Variants in CLVS1 observed in about 807,000 individuals in gnomAD.
The protein encoded by CLVS1 is clavesin-1.
CLVS1 carries 10 observed loss-of-function variants against 33.1 expected under a neutral mutation model. That is an observed-to-expected ratio of 0.30 (90% confidence interval 0.19 to 0.51). The LOEUF (loss-of-function observed/expected upper bound fraction) is 0.51, where lower values mean the gene tolerates loss of function less well. CLVS1 is among the 20% of genes least tolerant of loss of function. The pLI is 0.97. For synonymous variants in CLVS1, 163 were observed against 166.1 expected, an observed-to-expected ratio of 0.98 and a Z score of 0.14; for missense variants, 343 against 433.4, an observed-to-expected ratio of 0.79 and a Z score of 1.85.
chr8:61,238,617 C>T (rs1808621216), intron 2 of CLVS1, among the ~76,000 whole-genome samples: 1 of 152,214 alleles, frequency 6.6e-6, no homozygotes, highest in South Asian at 2.1e-4. Flanking sequence ...CCCACCCACA[C>T]TTGCAAGCTC....
intron 2 of CLVS1, among the ~76,000 whole-genome samples, chr8:61,369,972 A>G (rs1165750250): frequency 1.3e-5 from 2 of 152,204 alleles, no homozygotes; most frequent in Admixed American, 6.5e-5. Context: ...TAGTTATTTT[A>G]GGAAGTAATT....
chr8:61,187,849 A>G (rs1278704441), intron 2 of CLVS1, among the ~76,000 whole-genome samples: 1 of 149,596 alleles, frequency 6.7e-6, no homozygotes, highest in Non-Finnish European at 1.5e-5. Flanking sequence ...ATGTACACAC[A>G]TATATGTAAT....
intron 5 of CLVS1, among the ~76,000 whole-genome samples, chr8:61,475,294 A>G (rs376334133): frequency 4.6e-5 from 7 of 151,902 alleles, no homozygotes; most frequent in Non-Finnish European, 4.4e-5. Flanking sequence ...TGATTTATAT[A>G]CTTTGGGTAT....
intron 5 of CLVS1, among the ~76,000 whole-genome samples, chr8:61,461,346 T>C (rs1000229290): frequency 6.6e-6 from 1 of 152,220 alleles, no homozygotes; most frequent in Admixed American, 6.5e-5. Context: ...ATAAATTTGA[T>C]GTTTGTTCTT....
intron 2 of CLVS1, among the ~76,000 whole-genome samples, chr8:61,207,984 A>T (rs1807891452): frequency 1.3e-5 from 2 of 152,208 alleles, no homozygotes; most frequent in South Asian, 4.1e-4. Context: ...TGATTATTGC[A>T]GGTAGATAAA....
intron 1 of CLVS1, among the ~76,000 whole-genome samples, chr8:61,083,356 A>G (rs1057136736): frequency 1.3e-5 from 2 of 152,186 alleles, no homozygotes; most frequent in Admixed American, 1.3e-4. Flanking sequence ...CCAGGGACCT[A>G]GCAGCCAGTG....
intron 3 of CLVS1, among the ~76,000 whole-genome samples, chr8:61,411,399 T>A (rs1815217812): frequency 6.6e-6 from 1 of 152,022 alleles, no homozygotes; most frequent in Non-Finnish European, 1.5e-5. Flanking sequence ...TTTCCTCCCC[T>A]TTCTGAGCAG....
intron 5 of CLVS1, among the ~76,000 whole-genome samples, chr8:61,466,509 A>G (rs1271791511): frequency 1.3e-5 from 2 of 152,206 alleles, no homozygotes; most frequent in Admixed American, 6.5e-5. Context: ...AATTTCTGCC[A>G]GGAAATTTCT....
chr8:60,981,105 G>C, the CLVS1 span, among the ~76,000 whole-genome samples: 1 of 152,192 alleles, frequency 6.6e-6, no homozygotes, highest in Non-Finnish European at 1.5e-5. Flanking sequence ...TTGAATTTAA[G>C]AGAATATATT....
At chr8:61,279,317 T>A (rs1809623249) in intron 2 of CLVS1, among the ~76,000 whole-genome samples, 1 of 152,084 alleles carries the variant, frequency 6.6e-6, no homozygotes. Context: ...TTTTCTCATC[T>A]CTCCCAAGTC....
At chr8:60,985,019 C>A in the CLVS1 span, among the ~76,000 whole-genome samples, 3 of 152,176 alleles carry the variant, frequency 2.0e-5, no homozygotes, top group Non-Finnish European at 4.4e-5. Context: ...CATTTGCACC[C>A]TTTGCCCAAG....
chr8:61,044,428 A>T, the CLVS1 span, among the ~76,000 whole-genome samples: 1 of 152,094 alleles, frequency 6.6e-6, no homozygotes, highest in Non-Finnish European at 1.5e-5. Context: ...CCCAGCAACA[A>T]TCTGTTGTAA....
At chr8:61,289,967 G>A in intron 1 of CLVS1, among the ~76,000 whole-genome samples, 1 of 152,084 alleles carries the variant, frequency 6.6e-6, no homozygotes, top group South Asian at 2.1e-4. Context: ...AGAAAATTTG[G>A]TCATCCACAT....
rs1459200973 is a variant in CLVS1 at position 61,458,323 on chromosome 8, A to C, written c.758A>C (p.Asn253Thr). Residue 253 changes from asparagine (N) to threonine (T), a missense_variant, in exon 5 of 6, where the codon AAC becomes ACC. Physicochemically the swap from Asn to Thr is moderately conservative, Grantham distance 65. Around this residue, in one of 4 missense-constraint regions of CLVS1, gnomAD observed 166 missense variants for 244.0 expected, o/e 0.68. Coordinates refer to ENST00000325897, the MANE Select transcript of CLVS1 (RefSeq NM_173519.3). ...TCTTTACAGATTTTCCTGCATGGAA[A>C]CAATTTAAACAGCCTTCACCAGCTA... ...KTRKRIFLHG[N>T]NLNSLHQLIH... The C allele has an allele frequency of 6.8e-6, 11 of 1,611,228 alleles. No individual in the cohort carries two copies. Among genetic ancestry groups the C allele is most frequent in the African/African-American group, 2.7e-5 (2 of 74,758 alleles).
the CLVS1 span, among the ~76,000 whole-genome samples, chr8:60,999,381 G>A: frequency 6.6e-6 from 1 of 152,188 alleles, no homozygotes; most frequent in Non-Finnish European, 1.5e-5. Context: ...ATGAGGAAGT[G>A]AAACAGTGGG....
intron 2 of CLVS1, among the ~76,000 whole-genome samples, chr8:61,337,985 TTC>T (rs1811866000): frequency 6.6e-6 from 1 of 152,226 alleles, no homozygotes; most frequent in African/African-American, 2.4e-5. Context: ...ATCTCCTCAC[TTC>T]CACATGATCT....
At chr8:61,436,974 G>A (rs914167121) in intron 3 of CLVS1, among the ~76,000 whole-genome samples, 1 of 152,230 alleles carries the variant, frequency 6.6e-6, no homozygotes, top group Non-Finnish European at 1.5e-5. Context: ...AAGGGGAAGG[G>A]AAGTAGGGAA....
intron 2 of CLVS1, among the ~76,000 whole-genome samples, chr8:61,279,025 C>T (rs1201885979): frequency 1.3e-5 from 2 of 152,198 alleles, no homozygotes; most frequent in Non-Finnish European, 2.9e-5. Context: ...GAGTCATTAG[C>T]CATAGTGGGC....
intron 2 of CLVS1, among the ~76,000 whole-genome samples, chr8:61,305,342 C>T (rs1281248905): frequency 6.6e-6 from 1 of 152,042 alleles, no homozygotes; most frequent in African/African-American, 2.4e-5. Flanking sequence ...CACTCCCCTT[C>T]CCCTCTCTGA....
Sources: allele counts gnomAD v4.1 joint callset (sites outside exome capture counted in the v4.1 genomes callset), GRCh38; gene constraint gnomAD v4.1.1; regional missense constraint gnomAD v4.1.1; transcripts MANE v1.5; gene names NCBI Gene and HGNC (gene_info 2026-07-23, HGNC 2026-07-21).